Variants in RIMS2 observed in about 807,000 individuals in gnomAD.
The protein encoded by RIMS2 is regulating synaptic membrane exocytosis protein 2.
Under a neutral mutation model 174.4 loss-of-function variants are expected in RIMS2, and 59 were observed. That is an observed-to-expected ratio of 0.34 (90% confidence interval 0.27 to 0.42). The LOEUF (loss-of-function observed/expected upper bound fraction) is 0.42, where lower values mean the gene tolerates loss of function less well. Ranked by LOEUF, RIMS2 falls within the 10% of genes least tolerant of loss-of-function variation. The pLI is 1.00. For missense variants in RIMS2, 1,620 were observed against 1,666.3 expected, an observed-to-expected ratio of 0.97 and a Z score of 0.48; for synonymous variants, 606 against 572.5, an observed-to-expected ratio of 1.06 and a Z score of -0.84.
chr8:103,769,937 A>G (rs2098231084), intron 3 of RIMS2, among the ~76,000 whole-genome samples: 1 of 152,244 alleles, frequency 6.6e-6, no homozygotes, highest in Admixed American at 6.5e-5. Context: ...TTAGAGTTTA[A>G]TATCAGATTT....
At chr8:104,056,080 C>CA (rs2096863399) in intron 19 of RIMS2, among the ~76,000 whole-genome samples, 1 of 151,910 alleles carries the variant, frequency 6.6e-6, no homozygotes. Flanking sequence ...TAATATAAAA[C>CA]AAAAAACACT....
chr8:103,724,071 A>C (rs1448026824), intron 2 of RIMS2, among the ~76,000 whole-genome samples: 2 of 138,290 alleles, frequency 1.4e-5, no homozygotes, highest in African/African-American at 5.3e-5. Context: ...CCCCCCACAG[A>C]AATGATCTCT....
chr8:103,899,571 T>G (rs898365776), intron 4 of RIMS2, among the ~76,000 whole-genome samples: 4 of 151,588 alleles, frequency 2.6e-5, no homozygotes, highest in African/African-American at 9.8e-5. Flanking sequence ...GATGGGGTGG[T>G]TTTTTTCTTG....
At chr8:103,712,198 CAG>C (rs1466933201) in intron 2 of RIMS2, among the ~76,000 whole-genome samples, 2 of 141,080 alleles carry the variant, frequency 1.4e-5, no homozygotes, top group African/African-American at 5.4e-5. Flanking sequence ...TAAATAGAGA[CAG>C]GGTCTCGCCA....
In RIMS2 at chr8:103,950,275, A is replaced by G. The variant is rs562120803; in HGVS notation, c.2701+7349A>G. ...GGAATACCATCCAGCTCATTTTATG[A>G]AACAAACATTACTCTAATACCAACA... On this transcript the variant is annotated intron_variant, in intron 14 of 23. Transcript: ENST00000504942. Among the ~76,000 whole-genome samples, 42 of 152,176 alleles carry G rather than the reference A, an allele frequency of 2.8e-4. 1 individual carries two copies. The highest frequency in any genetic ancestry group is 5.9e-4 in the Non-Finnish European group (40 of 68,020).
intron 19 of RIMS2, among the ~76,000 whole-genome samples, chr8:104,026,940 T>G (rs1319969639): frequency 6.6e-6 from 1 of 152,170 alleles, no homozygotes; most frequent in Non-Finnish European, 1.5e-5. Context: ...TTGGTGGATA[T>G]TTCCTAAGTA....
At chr8:103,961,211 A>G in intron 15 of RIMS2, 78 bp downstream of exon 17, 2 of 782,364 alleles carry the variant, frequency 2.6e-6, no homozygotes, top group Non-Finnish European at 4.5e-6. Context: ...GTAAATAAAT[A>G]AAAGAGAAAG....
intron 1 of RIMS2, among the ~76,000 whole-genome samples, chr8:103,600,514 G>A (rs191218518): frequency 1.6e-3 from 238 of 152,154 alleles, no homozygotes; most frequent in African/African-American, 4.7e-3. Flanking sequence ...CAAGTGATCC[G>A]CATGCCTTGG....
intron 19 of RIMS2, among the ~76,000 whole-genome samples, chr8:104,028,490 A>G (rs2096306651): frequency 6.6e-6 from 1 of 152,148 alleles, no homozygotes. Context: ...ATTACATGCC[A>G]TTTTAATTAA....
chr8:104,049,470 T>C (rs2096749827), intron 19 of RIMS2, among the ~76,000 whole-genome samples: 1 of 152,050 alleles, frequency 6.6e-6, no homozygotes, highest in Non-Finnish European at 1.5e-5. Context: ...AGCCATGCTT[T>C]TGTTAAAGAA....
chr8:103,840,650 C>T (rs945961657), intron 3 of RIMS2, among the ~76,000 whole-genome samples: 1 of 151,854 alleles, frequency 6.6e-6, no homozygotes, highest in South Asian at 2.1e-4. Flanking sequence ...AGGAAAAATA[C>T]TATAAGTATT....
At chr8:103,870,807 C>T (rs1313302235) in intron 3 of RIMS2, among the ~76,000 whole-genome samples, 1 of 152,108 alleles carries the variant, frequency 6.6e-6, no homozygotes, top group Non-Finnish European at 1.5e-5. Flanking sequence ...TTGGAATAAT[C>T]CAATTGATCT....
intron 14 of RIMS2, among the ~76,000 whole-genome samples, chr8:103,951,543 T>G (rs2085362622): frequency 6.6e-6 from 1 of 152,122 alleles, no homozygotes; most frequent in African/African-American, 2.4e-5. Context: ...GGGAACCCAT[T>G]AGGGACTGTA....
chr8:104,150,770 T>C (rs1215769746), intron 19 of RIMS2, among the ~76,000 whole-genome samples: 12 of 152,190 alleles, frequency 7.9e-5, no homozygotes, highest in Admixed American at 7.9e-4. Context: ...ATCATAATTA[T>C]AGATGATAGG....
intron 1 of RIMS2, among the ~76,000 whole-genome samples, chr8:103,641,035 GCA>G (rs925299974): frequency 2.0e-5 from 3 of 152,026 alleles, no homozygotes; most frequent in Non-Finnish European, 4.4e-5. Flanking sequence ...TTGTTGTTAT[GCA>G]CACACACATT....
chr8:103,885,642 C>T, exon 4 of RIMS2: 1 of 1,613,022 alleles, frequency 6.2e-7, no homozygotes, highest in Non-Finnish European at 8.5e-7. Context: ...AAGCCACAAC[C>T]CTATGAAGAA....
At chr8:104,172,995 G>A (rs2098840946) in intron 19 of RIMS2, among the ~76,000 whole-genome samples, 1 of 152,060 alleles carries the variant, frequency 6.6e-6, no homozygotes, top group African/African-American at 2.4e-5. Flanking sequence ...TGAAAGAGTG[G>A]CGTTTTCCAC....
chr8:103,826,722 T>TAC (rs1275117236), intron 3 of RIMS2, among the ~76,000 whole-genome samples: 9 of 150,346 alleles, frequency 6.0e-5, no homozygotes, highest in African/African-American at 2.2e-4. Context: ...TACATATATA[T>TAC]ACTCTCTGTC....
rs372675660 is a variant in RIMS2, at chr8:103,824,129, A to G, written c.698+57592A>G. The stretch of plus-strand genomic sequence containing the variant: ...TTAGCAATATACTACAATTATTAGT[A>G]TATGTCCTTAATCTGACACTGATCT... On this transcript the variant is annotated intron_variant, in intron 3 of 23. Coordinates refer to ENST00000504942, the Ensembl canonical transcript of RIMS2. 9.7e-4 allele frequency among the ~76,000 whole-genome samples: 148 copies of G among 152,226 alleles called. 3 individuals are homozygous for G. In the South Asian group the frequency reaches 0.03, roughly 31 times the overall value.
Sources: gnomAD v4.1 joint callset for allele counts (sites outside exome capture counted in the v4.1 genomes callset) on GRCh38, gnomAD v4.1.1 for gene constraint, MANE v1.5 for transcripts, NCBI Gene and HGNC (gene_info 2026-07-23, HGNC 2026-07-21) for gene names.